Variants in SLC13A3 observed in about 807,000 individuals in gnomAD.
SLC13A3 encodes the protein solute carrier family 13 member 3.
In SLC13A3, 40 loss-of-function variants were observed where a neutral mutation model predicts 59.0. That is an observed-to-expected ratio of 0.68 (90% confidence interval 0.53 to 0.88). SLC13A3 has a LOEUF of 0.88. Ranked by LOEUF, SLC13A3 falls within the 40% of genes least tolerant of loss-of-function variation. The probability of loss-of-function intolerance (pLI) is 0.00; values close to 1 mark genes in which losing one functional copy is unlikely to be tolerated. For missense variants in SLC13A3, 699 were observed against 783.2 expected, an observed-to-expected ratio of 0.89 and a Z score of 1.28; for synonymous variants, 317 against 330.3, an observed-to-expected ratio of 0.96 and a Z score of 0.44.
At chr20:46,604,861 C>T (rs890841488) in intron 3 of SLC13A3, among the ~76,000 whole-genome samples, 4 of 152,172 alleles carry the variant, frequency 2.6e-5, no homozygotes, top group Non-Finnish European at 5.9e-5. Context: ...AAAGTTGCTC[C>T]CCAGGGGATG....
At chr20:46,625,512 A>G (rs145927730) in intron 1 of SLC13A3, among the ~76,000 whole-genome samples, 4 of 152,362 alleles carry the variant, frequency 2.6e-5, no homozygotes, top group East Asian at 1.9e-4. Context: ...TATAATTTAC[A>G]TAAAATAAAA....
intron 1 of SLC13A3, among the ~76,000 whole-genome samples, chr20:46,647,247 TC>T (rs1338476057): frequency 1.3e-5 from 2 of 152,128 alleles, no homozygotes; most frequent in African/African-American, 4.8e-5. Flanking sequence ...CCCAAACTCT[TC>T]CTTCTCAGAG....
At chr20:46,598,411 T>C (rs188914100) in intron 4 of SLC13A3, among the ~76,000 whole-genome samples, 7 of 152,274 alleles carry the variant, frequency 4.6e-5, no homozygotes, top group Non-Finnish European at 8.8e-5. Flanking sequence ...CTAGAGTTTA[T>C]CTAGAGCAAA....
chr20:46,567,101 A>C (rs940354077), intron 10 of SLC13A3, among the ~76,000 whole-genome samples: 1 of 152,064 alleles, frequency 6.6e-6, no homozygotes, highest in Non-Finnish European at 1.5e-5. Context: ...CTAAGGCATG[A>C]GAATCGCTTG....
chr20:46,568,173 C>G (rs424697), intron 10 of SLC13A3, among the ~76,000 whole-genome samples: 36,680 of 151,592 alleles, frequency 0.24, 4,756 homozygotes, highest in East Asian at 0.34. Flanking sequence ...GTGGGCAGGT[C>G]GCTTGAGGTC....
At chr20:46,604,413 G>A (rs1885738701) in intron 3 of SLC13A3, among the ~76,000 whole-genome samples, 1 of 152,096 alleles carries the variant, frequency 6.6e-6, no homozygotes, top group South Asian at 2.1e-4. Flanking sequence ...GGGGTCTTTG[G>A]TGAAGGCCAT....
chr20:46,585,572 A>G, intron 8 of SLC13A3: 7 of 1,099,278 alleles, frequency 6.4e-6, no homozygotes, highest in Non-Finnish European at 7.9e-6. Flanking sequence ...ATAGTTTAAC[A>G]AGTCTTGACA....
At chr20:46,660,586 G>A (rs2063023464) in intron 1 of SLC13A3, among the ~76,000 whole-genome samples, 1 of 152,026 alleles carries the variant, frequency 6.6e-6, no homozygotes, top group Non-Finnish European at 1.5e-5. Flanking sequence ...TCACTTTTCA[G>A]CAGTTTGACT....
chr20:46,632,658 C>G (rs186051230), intron 1 of SLC13A3, among the ~76,000 whole-genome samples: 2 of 152,082 alleles, frequency 1.3e-5, no homozygotes, highest in East Asian at 3.9e-4. Context: ...TAACTTTGTT[C>G]CTTGGTTTTC....
intron 1 of SLC13A3, among the ~76,000 whole-genome samples, chr20:46,675,649 C>T (rs1408518343): frequency 6.7e-6 from 1 of 148,350 alleles, no homozygotes; most frequent in Non-Finnish European, 1.5e-5. Context: ...GGTGCAATCA[C>T]AGCTCACTGC....
In SLC13A3 at chr20:46,676,569, CTTTTCT is replaced by C. The variant is rs1378133445; in HGVS notation, c.-31+7821_-31+7826del. 6.6e-5 allele frequency among the ~76,000 whole-genome samples: 10 copies of C among 151,628 alleles called. 1 individual carries two copies. Among genetic ancestry groups the C allele is most frequent in the Middle Eastern group, 3.4e-3 (1 of 292 alleles). On this transcript the variant is annotated intron_variant, in intron 1 of 6. Transcript: ENST00000372121. The stretch of plus-strand genomic sequence containing the variant: ...TGCGCCCGGCCCCTTTTTTTCTTTT[CTTTTCT>C]TTTTCTTTAGTTTGTTTAATTTTGT...
intron 12 of SLC13A3, among the ~76,000 whole-genome samples, chr20:46,560,649 C>T (rs545672771): frequency 2.0e-4 from 30 of 152,252 alleles, no homozygotes; most frequent in South Asian, 6.2e-4. Flanking sequence ...CACACACACA[C>T]GCATGCATGT....
At chr20:46,676,537 G>C (rs917919998) in intron 1 of SLC13A3, among the ~76,000 whole-genome samples, 1 of 151,158 alleles carries the variant, frequency 6.6e-6, no homozygotes, top group Admixed American at 6.6e-5. Flanking sequence ...TTACAGGCAC[G>C]AGCCACTGCG....
chr20:46,583,796 G>A lies in SLC13A3; in HGVS notation c.1122-127C>T, dbSNP rs114564770. 2,631 of 1,488,746 alleles carry A rather than the reference G, an allele frequency of 1.8e-3. 40 individuals are homozygous for A. The African/African-American group carries it at 0.032, about 18-fold the overall frequency. The allele number at this position is 1,488,746 out of a possible 1,614,324, so 92.2% of individuals were successfully genotyped here. On this transcript the variant is annotated intron_variant, in intron 8 of 12. Transcript: ENST00000279027. ...TGTGAAGGGGCCATTGTTGGAGGCT[G>A]GGCCACTGGATTCTGTCCTTCAGTG...
chr20:46,582,533 T>C, intron 9 of SLC13A3: 1 of 641,846 alleles, frequency 1.6e-6, no homozygotes, highest in South Asian at 7.0e-5. Context: ...AGCCCAAGAG[T>C]TCGAGACTGC....
At chr20:46,596,051 T>A in intron 5 of SLC13A3, 106 bp downstream of exon 5, 4 of 1,053,386 alleles carry the variant, frequency 3.8e-6, no homozygotes, top group Non-Finnish European at 5.4e-6. Flanking sequence ...TCCCAGAGCC[T>A]GGCCCAGAGA....
chr20:46,563,632 G>GAGAGA, intron 11 of SLC13A3, 81 bp from the exon 12 acceptor site: 18 of 1,455,376 alleles, frequency 1.2e-5, no homozygotes, highest in East Asian at 2.4e-5. Flanking sequence ...GAGAGAGAGA[G>GAGAGA]GCAGTTGGAA....
intron 12 of SLC13A3, 111 bp from the exon 13 acceptor site, chr20:46,560,309 A>C: frequency 9.8e-7 from 1 of 1,023,668 alleles, no homozygotes; most frequent in South Asian, 1.5e-5. Flanking sequence ...ACAGCCAGGA[A>C]GTGATGGAGC....
At chr20:46,589,281 A>G in intron 6 of SLC13A3, 26 bp from the exon 7 acceptor site, 1 of 1,597,210 alleles carries the variant, frequency 6.3e-7, no homozygotes, top group Non-Finnish European at 8.6e-7. Flanking sequence ...GGAGATTAGG[A>G]GTGGCCACTG....
Sources: allele counts gnomAD v4.1 joint callset (sites outside exome capture counted in the v4.1 genomes callset), GRCh38; gene constraint gnomAD v4.1.1; transcripts MANE v1.5; gene names NCBI Gene and HGNC (gene_info 2026-07-23, HGNC 2026-07-21).